The following SLC24A2 variants were observed in gnomAD, a reference collection of about 807,000 sequenced individuals.
SLC24A2 encodes the protein solute carrier family 24 member 2, also known as sodium/potassium/calcium exchanger 2.
A neutral mutation model predicts 62.0 loss-of-function variants in SLC24A2; 36 were observed. The ratio of observed to expected loss-of-function variants is 0.58; its 90% confidence interval spans 0.44 to 0.77. The LOEUF (loss-of-function observed/expected upper bound fraction) is 0.77. Ranked by LOEUF, SLC24A2 falls within the 30% of genes least tolerant of loss-of-function variation. The pLI is 0.00. For missense variants in SLC24A2, 846 were observed against 817.9 expected (o/e 1.03, Z -0.42); for synonymous variants, 358 against 294.0 (o/e 1.22, Z -2.23).
the SLC24A2 span, among the ~76,000 whole-genome samples, chr9:20,111,119 T>G: frequency 6.6e-6 from 1 of 152,228 alleles, no homozygotes; most frequent in Non-Finnish European, 1.5e-5. Context: ...CTAGTAGCCC[T>G]GGGAAGCTGA....
the SLC24A2 span, among the ~76,000 whole-genome samples, chr9:19,912,673 T>G: frequency 6.6e-6 from 1 of 152,168 alleles, no homozygotes; most frequent in South Asian, 2.1e-4. Flanking sequence ...GTTTATAAAA[T>G]GTTCACAAAG....
At chr9:20,149,153 T>TGAGA in the SLC24A2 span, among the ~76,000 whole-genome samples, 1 of 152,008 alleles carries the variant, frequency 6.6e-6, no homozygotes. Context: ...AAAGTCCTGG[T>TGAGA]GAGAAACTCA....
chr9:19,623,446 T>C (rs142962618), intron 2 of SLC24A2, among the ~76,000 whole-genome samples: 16 of 152,298 alleles, frequency 1.1e-4, no homozygotes, highest in Non-Finnish European at 1.5e-4. Flanking sequence ...ACACCTACCA[T>C]GTAAAGATAT....
chr9:19,601,725 G>A (rs1836846137), intron 4 of SLC24A2, among the ~76,000 whole-genome samples: 1 of 152,070 alleles, frequency 6.6e-6, no homozygotes, highest in South Asian at 2.1e-4. Flanking sequence ...ATAGTTTGGA[G>A]CCTTACAGAC....
chr9:19,743,047 GTC>G (rs1184270606), intron 2 of SLC24A2, among the ~76,000 whole-genome samples: 1 of 152,110 alleles, frequency 6.6e-6, no homozygotes, highest in Non-Finnish European at 1.5e-5. Context: ...AAATTTAAGT[GTC>G]TCTGATATTT....
At chr9:19,720,457 T>G (rs559510011) in intron 2 of SLC24A2, among the ~76,000 whole-genome samples, 3 of 152,320 alleles carry the variant, frequency 2.0e-5, no homozygotes, top group Non-Finnish European at 4.4e-5. Context: ...AAGAAAGTGC[T>G]GAGACACCAT....
chr9:20,070,029 A>C, the SLC24A2 span, among the ~76,000 whole-genome samples: 6 of 152,246 alleles, frequency 3.9e-5, no homozygotes, highest in Admixed American at 1.3e-4. Flanking sequence ...TTATTCCAGG[A>C]AAATCTTTGA....
At chr9:19,956,661 T>G in the SLC24A2 span, among the ~76,000 whole-genome samples, 1 of 152,092 alleles carries the variant, frequency 6.6e-6, no homozygotes, top group Admixed American at 6.5e-5. Flanking sequence ...CCATCAGATC[T>G]CATCAGACTT....
chr9:20,276,465 C>T, the SLC24A2 span, among the ~76,000 whole-genome samples: 3 of 152,174 alleles, frequency 2.0e-5, no homozygotes, highest in Non-Finnish European at 4.4e-5. Flanking sequence ...TTGCAGGGTA[C>T]AGCCCCACTC....
chr9:19,779,961 C>T (rs967539832), intron 2 of SLC24A2, among the ~76,000 whole-genome samples: 3 of 152,036 alleles, frequency 2.0e-5, no homozygotes, highest in African/African-American at 7.2e-5. Flanking sequence ...ACTTGGGAGG[C>T]TGAGGCAGGA....
At chr9:20,100,354 C>G in the SLC24A2 span, among the ~76,000 whole-genome samples, 2 of 152,196 alleles carry the variant, frequency 1.3e-5, no homozygotes, top group Non-Finnish European at 2.9e-5. Flanking sequence ...AGTCCCTATG[C>G]CTGGCCTCCT....
chr9:20,203,205 A>C, the SLC24A2 span, among the ~76,000 whole-genome samples: 18 of 151,786 alleles, frequency 1.2e-4, no homozygotes, highest in African/African-American at 4.4e-4. Context: ...ACAGGGCAAG[A>C]GTGGAAATCT....
At chr9:20,234,665 G>C in the SLC24A2 span, among the ~76,000 whole-genome samples, 4 of 152,280 alleles carry the variant, frequency 2.6e-5, no homozygotes, top group South Asian at 8.3e-4. Flanking sequence ...CTTTGCCATT[G>C]GTTTGAATTT....
intron 2 of SLC24A2, among the ~76,000 whole-genome samples, chr9:19,724,986 C>T (rs1328102556): frequency 6.6e-6 from 1 of 152,182 alleles, no homozygotes; most frequent in Non-Finnish European, 1.5e-5. Flanking sequence ...CAGAGGAGCT[C>T]ACGTGCTTCA....
the SLC24A2 span, among the ~76,000 whole-genome samples, chr9:20,112,830 C>A: frequency 2.0e-5 from 3 of 151,974 alleles, no homozygotes; most frequent in East Asian, 1.9e-4. Flanking sequence ...AGCCACCCCC[C>A]ACCTCCCCTG....
rs59489637 is a variant in SLC24A2, at chr9:19,573,485, A to AAC, written c.1229-18_1229-17dup. ...TCAATTTTTTCTGTGATATAATTTAAACACACACACACACACACACACACA... is the reference window on the plus strand; with the variant it reads ...TCAATTTTTTCTGTGATATAATTTAAACACACACACACACACACACACACACA... On this transcript the variant is annotated splice_polypyrimidine_tract_variant and intron_variant, in intron 6 of 10. Coordinates refer to ENST00000341998, the MANE Select transcript of SLC24A2 (RefSeq NM_020344.4). The AAC allele has an allele frequency of 4.5e-3, 3,667 of 817,338 alleles. 34 individuals carry two copies. Among genetic ancestry groups the AAC allele is most frequent in the African/African-American group, 0.015 (810 of 53,486 alleles). 50.6% of individuals were successfully genotyped at this position (817,338 alleles called of 1,614,324 possible).
chr9:19,560,599 TCTTGGACTTCCAACC>T (rs376492059), intron 7 of SLC24A2, among the ~76,000 whole-genome samples: 265 of 152,276 alleles, frequency 1.7e-3, no homozygotes, highest in African/African-American at 6.2e-3. Flanking sequence ...AGAACCTTGA[TCTTGGACTTCCAACC>T]CCTAGATCTG....
the SLC24A2 span, among the ~76,000 whole-genome samples, chr9:20,293,411 G>T: frequency 6.6e-6 from 1 of 152,138 alleles, no homozygotes; most frequent in African/African-American, 2.4e-5. Flanking sequence ...TCTCAGGGAG[G>T]CAGAGTGGAT....
chr9:19,977,991 G>T, the SLC24A2 span, among the ~76,000 whole-genome samples: 3 of 152,110 alleles, frequency 2.0e-5, no homozygotes, highest in African/African-American at 7.2e-5. Context: ...ATGTTCTGTG[G>T]CTGGGTAAGA....
Sources: allele counts gnomAD v4.1 joint callset (sites outside exome capture counted in the v4.1 genomes callset), GRCh38; gene constraint gnomAD v4.1.1; transcripts MANE v1.5; gene names NCBI Gene and HGNC (gene_info 2026-07-23, HGNC 2026-07-21).